CPT1A: variants seen among roughly 807,000 people sequenced by gnomAD.
CPT1A encodes the protein carnitine O-palmitoyltransferase 1, liver isoform.
Under a neutral mutation model 100.8 loss-of-function variants are expected in CPT1A, and 64 were observed. The observed-to-expected ratio is 0.63, with a 90% confidence interval of 0.52 to 0.78. CPT1A has a LOEUF of 0.78. Among genes scored for constraint, CPT1A ranks in the 30% least tolerant of loss-of-function variants. CPT1A has a pLI of 0.00. For synonymous variants in CPT1A, 363 were observed against 396.0 expected (o/e 0.92, Z 0.99); for missense variants, 802 against 1,034.1 (o/e 0.78, Z 3.08).
At chr11:68,807,915 C>G (rs1190747666) in intron 3 of CPT1A, among the ~76,000 whole-genome samples, 2 of 152,236 alleles carry the variant, frequency 1.3e-5, no homozygotes, top group Non-Finnish European at 1.5e-5. Flanking sequence ...GTCCCTTCAG[C>G]CCGATCTGCT....
intron 1 of CPT1A, among the ~76,000 whole-genome samples, chr11:68,835,745 G>A (rs566810938): frequency 1.3e-5 from 2 of 152,216 alleles, no homozygotes; most frequent in Admixed American, 6.5e-5. Flanking sequence ...AGGCCCTCTG[G>A]CTGCCCAGTG....
At chr11:68,802,433 A>G (rs80062272) in intron 5 of CPT1A, among the ~76,000 whole-genome samples, 1 of 4,838 alleles carries the variant, frequency 2.1e-4, no homozygotes, top group Non-Finnish European at 1.4e-3. Context: ...GTCTCTGGAA[A>G]AAAAAAAAAA....
chr11:68,758,388 AT>A (rs533954513), intron 18 of CPT1A, among the ~76,000 whole-genome samples: 8 of 152,238 alleles, frequency 5.3e-5, no homozygotes. Flanking sequence ...AAAGCAGAAT[AT>A]AAATAAGGGC....
At position 68,782,076 on chromosome 11, in the gene CPT1A, C is replaced by T. The variant is rs1034409532; in HGVS notation, c.1164-117G>A. On this transcript the variant is annotated intron_variant, in intron 10 of 18. Transcript: ENST00000265641. ...TTCAGAATTTCTCGAAGGAAAACTC[C>T]ATGTTGATGATGTTCCCCATCTGAG... 4 of 982,642 alleles carry T rather than the reference C, an allele frequency of 4.1e-6. No homozygotes were observed. The Admixed American group carries it at 8.0e-5, about 20-fold the overall frequency. 60.9% of individuals were successfully genotyped at this position (982,642 alleles called of 1,614,324 possible). A position where few individuals can be genotyped will look rare whatever the true frequency, so the allele number is the denominator to read the frequency against.
intron 2 of CPT1A, among the ~76,000 whole-genome samples, chr11:68,813,218 C>G (rs191236395): frequency 6.6e-6 from 1 of 151,942 alleles, no homozygotes; most frequent in Non-Finnish European, 1.5e-5. Flanking sequence ...ATTGATTTCA[C>G]CAAGATAATG....
chr11:68,814,735 G>C (rs980564451), intron 2 of CPT1A, among the ~76,000 whole-genome samples: 2 of 152,090 alleles, frequency 1.3e-5, no homozygotes, highest in Non-Finnish European at 2.9e-5. Context: ...TGCCCAGGCT[G>C]GAGTGTGGTG....
intron 1 of CPT1A, among the ~76,000 whole-genome samples, chr11:68,838,818 T>C (rs1857087080): frequency 1.3e-5 from 2 of 152,280 alleles, no homozygotes; most frequent in South Asian, 4.1e-4. Context: ...TCCTCCCACC[T>C]TGGCCTCCCA....
rs78681347 is a variant in CPT1A at position 68,830,939 on chromosome 11, G to A, written c.-14+10836C>T. Among the ~76,000 whole-genome samples, 212 of 152,258 alleles carry A rather than the reference G, an allele frequency of 1.4e-3. 3 individuals carry two copies. In the East Asian group the frequency reaches 0.036, roughly 26 times the overall value. ...AAGGACATGAATCCTTGTGTCATCCGAATTGAATCCTGAAGACTATGGACA... is the reference window on the plus strand; with the variant it reads ...AAGGACATGAATCCTTGTGTCATCCAAATTGAATCCTGAAGACTATGGACA... On this transcript the variant is annotated intron_variant, in intron 1 of 18. Transcript: ENST00000265641.
At chr11:68,774,462 A>G (rs191043964) in intron 13 of CPT1A, among the ~76,000 whole-genome samples, 7 of 151,740 alleles carry the variant, frequency 4.6e-5, no homozygotes, top group African/African-American at 1.7e-4. Context: ...TATTTATTTG[A>G]GATAGGGTGT....
intron 13 of CPT1A, chr11:68,773,881 G>A (rs1470637283): frequency 3.1e-5 from 8 of 258,892 alleles, no homozygotes; most frequent in Non-Finnish European, 6.1e-5. Flanking sequence ...GCAAAATGGC[G>A]GCGTCTAACT....
Position 68,760,243 on chromosome 11 carries a change from G to A in CPT1A, c.2124C>T (p.Ser708=), listed in dbSNP as rs773748237. 3 of 1,610,352 alleles carry A rather than the reference G, an allele frequency of 1.9e-6. No individual in the cohort carries two copies. The highest frequency in any genetic ancestry group is 2.5e-6 in the Non-Finnish European group (3 of 1,178,824). Residue 708 remains serine, a synonymous_variant, in exon 17 of 19, where the codon AGC becomes AGT. Coordinates refer to ENST00000265641, the MANE Select transcript of CPT1A (RefSeq NM_001876.4). ...CACTCACCGGTCCAAAGCCCCCTCC[G>A]CTGGACACGTACTCTGGGTTATTCT... ...DLENNPEYVS[S]GGGFGPVADD...
chr11:68,758,093 C>T (rs1024021038), intron 18 of CPT1A, among the ~76,000 whole-genome samples: 3 of 152,120 alleles, frequency 2.0e-5, no homozygotes, highest in African/African-American at 7.2e-5. Flanking sequence ...CATGGTGAAA[C>T]CACATTTCTA....
intron 14 of CPT1A, among the ~76,000 whole-genome samples, chr11:68,764,472 G>C (rs927151844): frequency 6.6e-6 from 1 of 152,120 alleles, no homozygotes; most frequent in African/African-American, 2.4e-5. Flanking sequence ...CACAGGGCCT[G>C]CTCAGCCTGG....
chr11:68,789,217 T>A (rs1222409010), intron 9 of CPT1A, among the ~76,000 whole-genome samples: 6 of 152,166 alleles, frequency 3.9e-5, no homozygotes, highest in Admixed American at 2.6e-4. Flanking sequence ...TGCCAGAACT[T>A]AAGACCCTTA....
At chr11:68,768,955 G>A (rs541944741) in intron 14 of CPT1A, among the ~76,000 whole-genome samples, 1 of 152,084 alleles carries the variant, frequency 6.6e-6, no homozygotes, top group African/African-American at 2.4e-5. Flanking sequence ...AACCCCGTAG[G>A]CAAAAATCTA....
At chr11:68,785,749 T>C in intron 9 of CPT1A, 1 of 488,820 alleles carries the variant, frequency 2.0e-6, no homozygotes, top group East Asian at 3.6e-5. Flanking sequence ...TCGATCCGTA[T>C]AGTAACTTTT....
chr11:68,829,648 G>A (rs1395506295), intron 1 of CPT1A, among the ~76,000 whole-genome samples: 5 of 152,162 alleles, frequency 3.3e-5, no homozygotes, highest in South Asian at 4.1e-4. Flanking sequence ...ACAAATCATC[G>A]CGGAGCCCTC....
intron 1 of CPT1A, among the ~76,000 whole-genome samples, chr11:68,833,863 A>T (rs924295865): frequency 2.7e-5 from 4 of 149,826 alleles, no homozygotes; most frequent in Non-Finnish European, 4.5e-5. Flanking sequence ...TTTCATTATT[A>T]TTTTTTTTTT....
In CPT1A at chr11:68,761,484, T is replaced by C. The variant is rs776300966; in HGVS notation, c.2028+51A>G. On this transcript the variant is annotated intron_variant, in intron 16 of 18. Coordinates refer to ENST00000265641, the MANE Select transcript of CPT1A (RefSeq NM_001876.4). ...TTCATGCAAGGCTGTAGTAATTTAC[T>C]AAGTTTTGGTCTAGCCAATACAACT... The C allele has an allele frequency of 4.4e-6, 7 of 1,586,906 alleles. No homozygotes were observed. In the South Asian group the frequency reaches 7.7e-5, roughly 18 times the overall value.
Sources: allele counts gnomAD v4.1 joint callset (sites outside exome capture counted in the v4.1 genomes callset), GRCh38; gene constraint gnomAD v4.1.1; transcripts MANE v1.5; gene names NCBI Gene and HGNC (gene_info 2026-07-23, HGNC 2026-07-21).